ROR1: variants seen among roughly 807,000 people sequenced by gnomAD.
ROR1 encodes the protein inactive tyrosine-protein kinase transmembrane receptor ROR1.
In ROR1, 19 loss-of-function variants were observed where a neutral mutation model predicts 78.8. The ratio of observed to expected loss-of-function variants is 0.24; its 90% CI spans 0.17 to 0.35. The LOEUF (loss-of-function observed/expected upper bound fraction) is 0.35, where lower values mean the gene tolerates loss of function less well. Ranked by LOEUF, ROR1 falls within the 10% of genes least tolerant of loss-of-function variation. The pLI is 1.00. For missense variants in ROR1, 917 were observed against 1,177.8 expected (o/e 0.78, Z 3.24); for synonymous variants, 386 against 433.6 (o/e 0.89, Z 1.36).
chr1:63,940,765 A>G (rs573158293), intron 1 of ROR1, among the ~76,000 whole-genome samples: 15 of 152,316 alleles, frequency 9.8e-5, no homozygotes, highest in African/African-American at 3.6e-4. Context: ...CATATTGCTT[A>G]TTGGCTAAGA....
At chr1:63,979,672 G>T (rs1290703548) in intron 1 of ROR1, among the ~76,000 whole-genome samples, 2 of 152,190 alleles carry the variant, frequency 1.3e-5, no homozygotes, top group Admixed American at 1.3e-4. Context: ...TCTGGGTGAT[G>T]TGTCTGTAGA....
At chr1:63,911,528 G>T (rs1456342166) in intron 1 of ROR1, among the ~76,000 whole-genome samples, 4 of 151,972 alleles carry the variant, frequency 2.6e-5, no homozygotes, top group Non-Finnish European at 5.9e-5. Context: ...ATCCTTATGA[G>T]AATCTAACTA....
chr1:63,784,130 T>A (rs1439175673), intron 1 of ROR1, among the ~76,000 whole-genome samples: 1 of 152,194 alleles, frequency 6.6e-6, no homozygotes, highest in Non-Finnish European at 1.5e-5. Flanking sequence ...CCTCCATTTG[T>A]ATAGGGCTTT....
At chr1:63,963,628 A>C (rs554911975) in intron 1 of ROR1, among the ~76,000 whole-genome samples, 1 of 152,194 alleles carries the variant, frequency 6.6e-6, no homozygotes, top group African/African-American at 2.4e-5. Flanking sequence ...AAAAAAAAGA[A>C]TTCTGATTTG....
chr1:63,928,497 G>A (rs546998917), intron 1 of ROR1, among the ~76,000 whole-genome samples: 5 of 152,246 alleles, frequency 3.3e-5, no homozygotes, highest in African/African-American at 9.6e-5. Context: ...TGGTTATTAG[G>A]GTAAGAGGAG....
intron 1 of ROR1, among the ~76,000 whole-genome samples, chr1:63,787,388 A>G (rs969654573): frequency 6.6e-6 from 1 of 151,932 alleles, no homozygotes; most frequent in African/African-American, 2.4e-5. Flanking sequence ...GGCATTTTGT[A>G]TTTTGTAGTG....
At chr1:63,843,723 G>A (rs1432486716) in intron 1 of ROR1, 6 of 454,862 alleles carry the variant, frequency 1.3e-5, no homozygotes, top group East Asian at 5.8e-5. Context: ...ATGGAGAGCC[G>A]CAGAAGACAA....
At chr1:64,168,883 C>A (rs1650161129) in intron 8 of ROR1, among the ~76,000 whole-genome samples, 1 of 152,216 alleles carries the variant, frequency 6.6e-6, no homozygotes. Flanking sequence ...AAACTACATC[C>A]ATTTATTCCA....
In ROR1 at chr1:64,026,512, T is replaced by C. The variant is rs374742988; in HGVS notation, c.163+17136T>C. On this transcript the variant is annotated intron_variant, in intron 2 of 8. Transcript: ENST00000371079. ...CTGTATTCAAAGCAGTATCTTGTAG[T>C]ATAATTTATGCTTAATAAAGAAAGC... is the stretch of plus-strand genomic sequence containing the variant. Among the ~76,000 whole-genome samples the C allele has an allele frequency of 2.1e-4, 32 of 152,326 alleles. 2 individuals carry two copies. The highest frequency in any genetic ancestry group is 1.1e-3 in the Admixed American group (17 of 15,296).
In ROR1 at chr1:64,179,128, C is replaced by T. The variant is rs1557687007; in HGVS notation, c.*273C>T. 6.2e-6 allele frequency: 2 copies of T among 322,764 alleles called. No homozygotes were observed. The highest frequency in any genetic ancestry group is 1.1e-5 in the Non-Finnish European group (2 of 177,524). The allele number at this position is 322,764 out of a possible 1,614,324, so 20.0% of individuals were successfully genotyped here. ...TGGGATTGGAACATGTGGTTTCGAG[C>T]ACTGAAAGCTGCAAACCAGTGAAGA... On this transcript the variant is annotated 3_prime_UTR_variant, in exon 9 of 9. Transcript: ENST00000371079.
At chr1:63,994,355 A>G (rs1293284151) in intron 1 of ROR1, among the ~76,000 whole-genome samples, 4 of 152,190 alleles carry the variant, frequency 2.6e-5, no homozygotes, top group Non-Finnish European at 4.4e-5. Flanking sequence ...AATTTTTGCA[A>G]TCAGACCTCG....
At chr1:63,992,415 C>T (rs569225552) in intron 1 of ROR1, among the ~76,000 whole-genome samples, 19 of 152,172 alleles carry the variant, frequency 1.2e-4, no homozygotes, top group African/African-American at 4.3e-4. Flanking sequence ...ACCATGTTGG[C>T]CAGGATGGTC....
intron 2 of ROR1, among the ~76,000 whole-genome samples, chr1:64,014,721 A>ATATATATATATATATATATG (rs200268487): frequency 0.38 from 20,347 of 54,118 alleles, 6,465 homozygotes; most frequent in East Asian, 0.74. Flanking sequence ...GACTATATAT[A>ATATATATATATATATATATG]TATATACACA....
intron 1 of ROR1, among the ~76,000 whole-genome samples, chr1:63,856,389 G>A (rs1645149293): frequency 1.3e-5 from 2 of 152,158 alleles, no homozygotes; most frequent in Admixed American, 6.5e-5. Flanking sequence ...GGAATCATGA[G>A]GTTTTCCAAT....
At chr1:64,172,805 TCAAA>T (rs1276401246) in intron 8 of ROR1, among the ~76,000 whole-genome samples, 3 of 152,180 alleles carry the variant, frequency 2.0e-5, no homozygotes, top group African/African-American at 7.2e-5. Context: ...CCACATTGGT[TCAAA>T]CAGACAAACT....
chr1:64,124,613 G>A (rs1431168070), intron 4 of ROR1, among the ~76,000 whole-genome samples: 2 of 152,114 alleles, frequency 1.3e-5, no homozygotes, highest in Non-Finnish European at 2.9e-5. Flanking sequence ...CAGACCTCTA[G>A]TAGCCCTGAC....
At chr1:63,871,339 C>T (rs1038831981) in intron 1 of ROR1, among the ~76,000 whole-genome samples, 3 of 152,076 alleles carry the variant, frequency 2.0e-5, no homozygotes, top group Non-Finnish European at 2.9e-5. Context: ...GTTGAGGCCT[C>T]GAGCTGAGGA....
intron 1 of ROR1, among the ~76,000 whole-genome samples, chr1:63,932,993 G>A (rs1411779250): frequency 6.6e-6 from 1 of 152,152 alleles, no homozygotes; most frequent in Non-Finnish European, 1.5e-5. Flanking sequence ...CAAGAGTCCT[G>A]AAAGATGCCT....
At chr1:63,829,137 C>T (rs1433125841) in intron 1 of ROR1, among the ~76,000 whole-genome samples, 2 of 152,186 alleles carry the variant, frequency 1.3e-5, no homozygotes, top group East Asian at 1.9e-4. Context: ...TTGGATGTTC[C>T]GCCACGTACT....
Sources: gnomAD v4.1 joint callset for allele counts (sites outside exome capture counted in the v4.1 genomes callset) on GRCh38, gnomAD v4.1.1 for gene constraint, MANE v1.5 for transcripts, NCBI Gene and HGNC (gene_info 2026-07-23, HGNC 2026-07-21) for gene names.